AADACL4: variants seen among roughly 807,000 people sequenced by gnomAD.
AADACL4 encodes the protein arylacetamide deacetylase like 4, also known as arylacetamide deacetylase-like 4.
In AADACL4, 9 loss-of-function variants were observed where a neutral mutation model predicts 14.1. The observed-to-expected ratio is 0.64, with a 90% CI of 0.39 to 1.12. The LOEUF is 1.12. Ranked by LOEUF, AADACL4 falls within the 50% of genes most tolerant of loss-of-function variation. The pLI is 0.01. For synonymous variants in AADACL4, 188 were observed against 201.6 expected, an observed-to-expected ratio of 0.93 and a Z score of 0.57; for missense variants, 531 against 516.1, an observed-to-expected ratio of 1.03 and a Z score of -0.28.
rs201507886 is a variant in AADACL4 at position 12,651,232 on chromosome 1, G to A, written c.278G>A (p.Arg93His). 1.8e-4 allele frequency: 287 copies of A among 1,614,066 alleles called. No homozygotes were observed. Among genetic ancestry groups the A allele is most frequent in the Non-Finnish European group, 2.2e-4 (265 of 1,180,042 alleles). The stretch of plus-strand genomic sequence containing the variant: ...CCTGAACTTGTGGTGACCGACCTGC[G>A]TTTTGGGACGATACCCGTGAGGCTG... ...KDPELVVTDLRFGTIPVRLFQ... is the reference protein window; with the variant it reads ...KDPELVVTDLHFGTIPVRLFQ... Residue 93 changes from arginine (R) to histidine (H), a missense_variant, in exon 2 of 4, where the codon CGT becomes CAT. By Grantham distance (29) the Arg-to-His change is conservative. Coordinates refer to ENST00000376221, the MANE Select transcript of AADACL4 (RefSeq NM_001013630.2).
At chr1:12,647,219 A>G (rs1647117359) in intron 1 of AADACL4, among the ~76,000 whole-genome samples, 1 of 150,098 alleles carries the variant, frequency 6.7e-6, no homozygotes, top group South Asian at 2.1e-4. Flanking sequence ...TCAGCCTCCC[A>G]TGTAGCTCGG....
chr1:12,664,762 C>G (rs556242353), intron 3 of AADACL4, among the ~76,000 whole-genome samples: 1 of 152,362 alleles, frequency 6.6e-6, no homozygotes, highest in Non-Finnish European at 1.5e-5. Context: ...CTACTCCAAT[C>G]AGTTAAGCCA....
At position 12,666,859 on chromosome 1, in the gene AADACL4, G is replaced by T; in HGVS notation, c.*124G>T. The T allele has an allele frequency of 9.8e-7, 1 of 1,024,314 alleles. No individual in the cohort carries two copies. Among genetic ancestry groups the T allele is most frequent in the Non-Finnish European group, 1.4e-6 (1 of 710,524 alleles). The allele number at this position is 1,024,314 out of a possible 1,614,324, so 63.5% of individuals were successfully genotyped here. On this transcript the variant is annotated 3_prime_UTR_variant, in exon 4 of 4. Transcript: ENST00000376221. The stretch of plus-strand genomic sequence containing the variant: ...CATCAATGCTTGGGGCAGCTGGGAA[G>T]GGTGAGAAGTAAGCTAACAGTCTTG...
rs751214203 is a variant in AADACL4 at position 12,666,091 on chromosome 1, G to A, written c.580G>A (p.Val194Ile). The change falls in exon 4 of 4, where the codon GTC (valine) becomes ATC (isoleucine). Residue 194 changes from valine (V) to isoleucine (I), a missense_variant. Physicochemically the swap from Val to Ile is conservative, Grantham distance 29. Transcript: ENST00000376221. ...CAGGGTTGTGGTCTGTGGAGAAAGC[G>A]TCGGAGGTGCAGCGGTGGCCGCCAT... ...PSRVVVCGES[V>I]GGAAVAAITQ... 3.3e-5 allele frequency: 54 copies of A among 1,614,118 alleles called. No homozygotes were observed. The highest frequency in any genetic ancestry group is 1.6e-4 in the Middle Eastern group (1 of 6,084).
At chr1:12,658,615 G>T (rs1389532721) in intron 2 of AADACL4, among the ~76,000 whole-genome samples, 1 of 151,994 alleles carries the variant, frequency 6.6e-6, no homozygotes, top group Non-Finnish European at 1.5e-5. Context: ...AGCCTCCCTG[G>T]ACATCTTATC....
Position 12,651,189 on chromosome 1 carries a change from G to A in AADACL4, c.235G>A (p.Val79Met), listed in dbSNP as rs370456693. 103 of 1,614,212 alleles carry A rather than the reference G, an allele frequency of 6.4e-5. 1 individual carries two copies. In the African/African-American group the frequency reaches 6.4e-4, roughly 10 times the overall value. The change falls in exon 2 of 4, where the codon GTG (valine) becomes ATG (methionine). Residue 79 changes from valine to methionine, a missense_variant. Physicochemically the swap from Val to Met is conservative, Grantham distance 21. Coordinates refer to ENST00000376221, the MANE Select transcript of AADACL4 (RefSeq NM_001013630.2). ...PKFIRFLHDS[V>M]RIKKDPELVV... ...ATTTATTCGTTTTTTACATGATAGC[G>A]TGAGAATTAAAAAGGACCCTGAACT...
Position 12,666,867 on chromosome 1 carries a change from A to G in AADACL4, c.*132A>G, listed in dbSNP as rs1217716695. 1 of 952,160 alleles carries G rather than the reference A, an allele frequency of 1.1e-6. No individual in the cohort carries two copies. Among genetic ancestry groups the G allele is most frequent in the Non-Finnish European group, 1.5e-6 (1 of 648,206 alleles). The allele number at this position is 952,160 out of a possible 1,614,324, so 59.0% of individuals were successfully genotyped here. A position where few individuals can be genotyped will look rare whatever the true frequency, so the allele number is the denominator to read the frequency against. ...CTTGGGGCAGCTGGGAAGGGTGAGA[A>G]GTAAGCTAACAGTCTTGCTTAGTAT... On this transcript the variant is annotated 3_prime_UTR_variant, in exon 4 of 4. Coordinates refer to ENST00000376221, the MANE Select transcript of AADACL4 (RefSeq NM_001013630.2).
At chr1:12,655,879 G>C (rs578229394) in intron 2 of AADACL4, among the ~76,000 whole-genome samples, 78 of 152,216 alleles carry the variant, frequency 5.1e-4, no homozygotes, top group Non-Finnish European at 3.7e-4. Context: ...TTCTGATAAA[G>C]AGCCATGAAG....
chr1:12,663,709 G>T (rs1427975200), intron 3 of AADACL4, among the ~76,000 whole-genome samples: 1 of 152,092 alleles, frequency 6.6e-6, no homozygotes, highest in African/African-American at 2.4e-5. Flanking sequence ...CATCATGTTG[G>T]AGTCATATAT....
chr1:12,665,975 C>T lies in AADACL4; in HGVS notation c.464C>T (p.Pro155Leu). 6.2e-7 allele frequency: 1 copy of T among 1,606,872 alleles called. No homozygotes were observed. The highest frequency in any genetic ancestry group is 1.1e-5 in the South Asian group (1 of 90,730). ...TTTCGTTTTAGGTACCGCAAGCTTCCTGACCACCATTCCCCTGCCCTTTTC... is the reference window on the plus strand; with the variant it reads ...TTTCGTTTTAGGTACCGCAAGCTTCTTGACCACCATTCCCCTGCCCTTTTC... Reference protein sequence around the residue: ...VLLMIGYRKLPDHHSPALFQD... With the variant: ...VLLMIGYRKLLDHHSPALFQD... Residue 155 changes from proline (P) to leucine (L), a missense_variant, in exon 4 of 4, where the codon CCT becomes CTT. Pro to Leu is a moderately conservative substitution (Grantham distance 98). Transcript: ENST00000376221.
At chr1:12,645,530 A>G (rs1215851109) in intron 1 of AADACL4, among the ~76,000 whole-genome samples, 1 of 151,584 alleles carries the variant, frequency 6.6e-6, no homozygotes, top group Admixed American at 6.6e-5. Context: ...TGACTTACCT[A>G]TAGGTTGTTT....
intron 3 of AADACL4, among the ~76,000 whole-genome samples, chr1:12,664,208 T>C (rs1340933025): frequency 1.3e-5 from 2 of 152,188 alleles, no homozygotes; most frequent in Non-Finnish European, 2.9e-5. Flanking sequence ...GGGGCTCTCA[T>C]ATAATTTTTT....
chr1:12,654,837 G>T (rs913722734), intron 2 of AADACL4, among the ~76,000 whole-genome samples: 1 of 151,802 alleles, frequency 6.6e-6, no homozygotes, highest in Non-Finnish European at 1.5e-5. Context: ...ATCATTCATG[G>T]GCAAGACGGC....
At chr1:12,648,044 C>T (rs972686368) in intron 1 of AADACL4, among the ~76,000 whole-genome samples, 21 of 152,158 alleles carry the variant, frequency 1.4e-4, no homozygotes, top group African/African-American at 4.8e-4. Flanking sequence ...CAGCTCACTG[C>T]ACTGCAACCT....
intron 2 of AADACL4, among the ~76,000 whole-genome samples, chr1:12,656,165 A>G (rs1647178117): frequency 6.6e-6 from 1 of 152,202 alleles, no homozygotes; most frequent in Non-Finnish European, 1.5e-5. Flanking sequence ...GACTTGAGAC[A>G]GAAGGGGAAA....
chr1:12,661,614 A>G (rs1647229796), intron 2 of AADACL4, among the ~76,000 whole-genome samples, 177 bp from the exon 3 acceptor site: 1 of 151,960 alleles, frequency 6.6e-6, no homozygotes, highest in South Asian at 2.1e-4. Context: ...GAGGCTGGGG[A>G]CAGATGTATG....
intron 2 of AADACL4, among the ~76,000 whole-genome samples, chr1:12,658,135 C>CCTTCCTTCCTTCCTTCCTTTCTTTCTTT (rs1557550855): frequency 1.1e-5 from 1 of 87,298 alleles, no homozygotes; most frequent in African/African-American, 6.5e-5. Context: ...TTCCTTCCTT[C>CCTTCCTTCCTTCCTTCCTTTCTTTCTTT]CTTCCTTTCT....
intron 1 of AADACL4, among the ~76,000 whole-genome samples, chr1:12,646,360 C>T (rs957208801): frequency 2.6e-5 from 4 of 152,170 alleles, no homozygotes; most frequent in Admixed American, 1.3e-4. Flanking sequence ...TTAGTGAATT[C>T]GTAAAATACA....
At chr1:12,646,996 G>C (rs1044439112) in intron 1 of AADACL4, among the ~76,000 whole-genome samples, 1 of 152,062 alleles carries the variant, frequency 6.6e-6, no homozygotes, top group East Asian at 1.9e-4. Context: ...GCTTTGTTTC[G>C]GTATCAGACC....
Sources: gnomAD v4.1 joint callset for allele counts (sites outside exome capture counted in the v4.1 genomes callset) on GRCh38, gnomAD v4.1.1 for gene constraint, MANE v1.5 for transcripts, NCBI Gene and HGNC (gene_info 2026-07-23, HGNC 2026-07-21) for gene names.